Variants in RASA2 observed in about 807,000 individuals in gnomAD.
RASA2 encodes ras GTPase-activating protein 2.
A neutral mutation model predicts 118.2 loss-of-function variants in RASA2; 155 were observed. That is an observed-to-expected ratio of 1.31 (90% confidence interval 1.15 to 1.50). The LOEUF is 1.50. RASA2 is among the 40% of genes most tolerant of loss of function. The pLI is 0.00. For synonymous variants in RASA2, 353 were observed against 349.1 expected (o/e 1.01, Z -0.12); for missense variants, 1,016 against 1,009.6 (o/e 1.01, Z -0.09).
chr3:141,582,217 A>G (rs562018263), intron 17 of RASA2, among the ~76,000 whole-genome samples: 1 of 152,204 alleles, frequency 6.6e-6, no homozygotes, highest in African/African-American at 2.4e-5. Context: ...ATTCTTACAG[A>G]GACTTAGTAA....
intron 1 of RASA2, among the ~76,000 whole-genome samples, chr3:141,487,840 G>A (rs2081597042): frequency 6.6e-6 from 1 of 152,176 alleles, no homozygotes; most frequent in African/African-American, 2.4e-5. Flanking sequence ...GAGCGCCCCG[G>A]GAGGAGCTCG....
chr3:141,587,075 C>G (rs1577793635), intron 19 of RASA2, among the ~76,000 whole-genome samples: 1 of 152,164 alleles, frequency 6.6e-6, no homozygotes, highest in African/African-American at 2.4e-5. Flanking sequence ...TTCTTTAACT[C>G]TCAGAGGCAA....
intron 5 of RASA2, among the ~76,000 whole-genome samples, chr3:141,548,825 T>G (rs1318526833): frequency 6.6e-6 from 1 of 152,216 alleles, no homozygotes; most frequent in African/African-American, 2.4e-5. Flanking sequence ...CTACATCTTT[T>G]TCCGTGACCT....
chr3:141,559,179 ATGATC>A (rs2082693516), intron 8 of RASA2, among the ~76,000 whole-genome samples: 1 of 152,134 alleles, frequency 6.6e-6, no homozygotes, highest in Non-Finnish European at 1.5e-5. Context: ...ATAAACAAAG[ATGATC>A]TAATTTTCAT....
At chr3:141,544,357 CTCT>C (rs1234683164) in intron 5 of RASA2, among the ~76,000 whole-genome samples, 1 of 152,166 alleles carries the variant, frequency 6.6e-6, no homozygotes, top group Non-Finnish European at 1.5e-5. Context: ...TGCTATCTTT[CTCT>C]TCTTCTTTCA....
At chr3:141,569,914 A>G (rs79329661) in intron 9 of RASA2, among the ~76,000 whole-genome samples, 2,150 of 152,112 alleles carry the variant, frequency 0.014, 20 homozygotes, top group South Asian at 0.051. Flanking sequence ...ATTAATTCGC[A>G]TAGGGTAGTG....
intron 9 of RASA2, among the ~76,000 whole-genome samples, chr3:141,568,451 G>A (rs541322740): frequency 5.3e-5 from 8 of 152,038 alleles, no homozygotes; most frequent in South Asian, 2.1e-4. Flanking sequence ...TAAGAGAAGC[G>A]GAGGTGCAGA....
At position 141,572,709 on chromosome 3, in the gene RASA2, C is replaced by T; in HGVS notation, c.1270C>T (p.Pro424Ser). 1 of 1,605,440 alleles carries T rather than the reference C, an allele frequency of 6.2e-7. No homozygotes were observed. The highest frequency in any genetic ancestry group is 8.5e-7 in the Non-Finnish European group (1 of 1,172,874). Residue 424 changes from proline (P) to serine (S), a missense_variant, in exon 12 of 24, where the codon CCT becomes TCT. By Grantham distance (74) the Pro-to-Ser change is moderately conservative. Coordinates refer to ENST00000286364, the MANE Select transcript of RASA2 (RefSeq NM_006506.5). Reference sequence around the variant, plus strand: ...GCACTACCTGAAAGTAACATTAAAACCTATTCTTGATGAGGTACAGAATAT... The same window carrying T: ...GCACTACCTGAAAGTAACATTAAAATCTATTCTTGATGAGGTACAGAATAT... ...GGHYLKVTLK[P>S]ILDEICDSSK...
chr3:141,585,889 G>A, intron 17 of RASA2, 136 bp from the exon 18 acceptor site: 1 of 530,248 alleles, frequency 1.9e-6, no homozygotes, highest in Non-Finnish European at 3.2e-6. Flanking sequence ...TATGTGTTTT[G>A]TTTTATAAAT....
rs2083448454 is a variant in RASA2 at position 141,600,618 on chromosome 3, C to T, written c.1934-7060C>T. On this transcript the variant is annotated intron_variant, in intron 19 of 23. Coordinates refer to ENST00000286364, the MANE Select transcript of RASA2 (RefSeq NM_006506.5). ...AGAGGGCAAAGAGAGCAAGGGCAAG[C>T]GCCGACCCGGAGCAGGAGGAGTCCT... 3.4e-5 allele frequency: 6 copies of T among 176,234 alleles called. No homozygotes were observed. The South Asian group carries it at 6.7e-4, about 20-fold the overall frequency. The allele number at this position is 176,234 out of a possible 1,614,324, so 10.9% of individuals were successfully genotyped here.
intron 20 of RASA2, among the ~76,000 whole-genome samples, 158 bp from the exon 21 acceptor site, chr3:141,608,331 G>A (rs939404219): frequency 1.3e-5 from 2 of 152,012 alleles, no homozygotes; most frequent in Non-Finnish European, 2.9e-5. Flanking sequence ...GATTATGCTT[G>A]GGACTAACTT....
At chr3:141,572,162 G>T (rs979831433) in intron 11 of RASA2, among the ~76,000 whole-genome samples, 1 of 150,792 alleles carries the variant, frequency 6.6e-6, no homozygotes, top group Non-Finnish European at 1.5e-5. Context: ...CATGATCTTG[G>T]CTCACTGCAG....
rs755848394 is a variant in RASA2, at chr3:141,571,448, C to T, written c.1063C>T (p.Arg355Ter). ...TGCTTACATTTTGAGTGAAATATGT[C>T]GAGATAAAAATGATGCTGTTTTGCC... Reference protein sequence around the residue: ...SAAYILSEICRDKNDAVLPLV... With the variant: ...SAAYILSEIC The change falls in exon 11 of 24, where the codon CGA (arginine) becomes TGA (stop). Residue 355 changes from arginine (R) to a stop codon, truncating the protein, a stop_gained. Transcript: ENST00000286364. LOFTEE classifies it high-confidence loss of function. 9.3e-6 allele frequency: 15 copies of T among 1,613,376 alleles called. No individual in the cohort carries two copies. The highest frequency in any genetic ancestry group is 2.2e-5 in the East Asian group (1 of 44,860).
At chr3:141,496,258 G>A (rs1225640605) in intron 1 of RASA2, among the ~76,000 whole-genome samples, 1 of 152,140 alleles carries the variant, frequency 6.6e-6, no homozygotes, top group Non-Finnish European at 1.5e-5. Flanking sequence ...ATAGGCATGG[G>A]CAAGGACTTC....
At chr3:141,516,533 A>C in intron 3 of RASA2, 102 bp downstream of exon 3, 1 of 880,790 alleles carries the variant, frequency 1.1e-6, no homozygotes, top group Non-Finnish European at 1.5e-6. Context: ...TATGCTCAAC[A>C]TCTCTGATCT....
chr3:141,566,458 A>C (rs1199248498), intron 9 of RASA2, among the ~76,000 whole-genome samples: 1 of 152,234 alleles, frequency 6.6e-6, no homozygotes, highest in African/African-American at 2.4e-5. Context: ...GGAAAACTCT[A>C]TAGGACCAAC....
At chr3:141,602,267 A>G (rs565324161) in intron 19 of RASA2, among the ~76,000 whole-genome samples, 7 of 152,142 alleles carry the variant, frequency 4.6e-5, no homozygotes, top group African/African-American at 1.2e-4. Flanking sequence ...ATGGAAGACA[A>G]TTTTTCCACG....
intron 20 of RASA2, 85 bp from the exon 21 acceptor site, chr3:141,608,404 C>T (rs1196926811): frequency 7.7e-7 from 1 of 1,301,880 alleles, no homozygotes; most frequent in Non-Finnish European, 1.1e-6. Context: ...CAACTAGATT[C>T]CTTTAGGTAC....
chr3:141,487,689 G>A (rs1302697936), intron 1 of RASA2, among the ~76,000 whole-genome samples: 2 of 152,084 alleles, frequency 1.3e-5, no homozygotes, highest in Non-Finnish European at 2.9e-5. Context: ...GGCGGGCTGG[G>A]AAGTGGGGCT....
Sources: gnomAD v4.1 joint callset for allele counts (sites outside exome capture counted in the v4.1 genomes callset) on GRCh38, gnomAD v4.1.1 for gene constraint, MANE v1.5 for transcripts, NCBI Gene and HGNC (gene_info 2026-07-23, HGNC 2026-07-21) for gene names.